The following STAG1 variants were observed in gnomAD, a reference collection of about 807,000 sequenced individuals.
STAG1 encodes STAG1 cohesin complex component, also known as cohesin subunit SA-1.
Under a neutral mutation model 170.9 loss-of-function variants are expected in STAG1, and 26 were observed. The ratio of observed to expected loss-of-function variants is 0.15; its 90% CI spans 0.11 to 0.21. The LOEUF is 0.21. Among genes scored for constraint, STAG1 ranks in the 10% least tolerant of loss-of-function variants. STAG1 has a pLI of 1.00. For synonymous variants in STAG1, 514 were observed against 497.7 expected (o/e 1.03, Z -0.44); for missense variants, 964 against 1,509.5 (o/e 0.64, Z 5.99).
chr3:136,352,939 G>A (rs944518546), intron 28 of STAG1, among the ~76,000 whole-genome samples: 2 of 152,182 alleles, frequency 1.3e-5, no homozygotes, highest in South Asian at 4.1e-4. Flanking sequence ...AGGAGCACCT[G>A]TATGTTCAAA....
intron 1 of STAG1, among the ~76,000 whole-genome samples, chr3:136,667,899 T>C (rs1401349166): frequency 6.6e-6 from 1 of 152,112 alleles, no homozygotes; most frequent in African/African-American, 2.4e-5. Context: ...CTCTAGAAAG[T>C]AGACCTGGCC....
intron 6 of STAG1, among the ~76,000 whole-genome samples, chr3:136,537,499 T>A (rs1935691542): frequency 7.0e-6 from 1 of 142,916 alleles, no homozygotes; most frequent in African/African-American, 2.5e-5. Flanking sequence ...TGTTTATTTT[T>A]TTTTTGTTTT....
chr3:136,405,602 T>C (rs773686282), intron 21 of STAG1, among the ~76,000 whole-genome samples: 1 of 151,478 alleles, frequency 6.6e-6, no homozygotes, highest in African/African-American at 2.4e-5. Flanking sequence ...ATGCCTGTAC[T>C]CCCAGCACTT....
rs555702037 is a variant in STAG1 at position 136,698,306 on chromosome 3, A to C, written c.-84+53889T>G. 7.2e-5 allele frequency among the ~76,000 whole-genome samples: 11 copies of C among 152,336 alleles called. No homozygotes were observed. In the South Asian group the frequency reaches 2.3e-3, roughly 32 times the overall value. Reference sequence around the variant, plus strand: ...CTACAAGGAACTCAAATCAGCAAGAAAAAAACAATCCCATCAAAAAGTGGG... The same window carrying C: ...CTACAAGGAACTCAAATCAGCAAGACAAAAACAATCCCATCAAAAAGTGGG... On this transcript the variant is annotated intron_variant, in intron 1 of 33. Transcript: ENST00000383202.
At chr3:136,523,018 G>A (rs111836328) in intron 6 of STAG1, among the ~76,000 whole-genome samples, 129 of 152,138 alleles carry the variant, frequency 8.5e-4, no homozygotes, top group African/African-American at 2.4e-3. Context: ...GAATAGTGCC[G>A]CAATAAACAT....
At chr3:136,737,204 TC>T (rs1382595236) in intron 1 of STAG1, 8 of 685,362 alleles carry the variant, frequency 1.2e-5, no homozygotes, top group Non-Finnish European at 1.9e-5. Context: ...CCACACGAAG[TC>T]CCGCTCTCTC....
chr3:136,379,273 C>T (rs902278648), intron 22 of STAG1, among the ~76,000 whole-genome samples: 4 of 152,088 alleles, frequency 2.6e-5, no homozygotes, highest in African/African-American at 9.7e-5. Context: ...AAAACATGGG[C>T]CCCATGTTGG....
At chr3:136,550,068 T>C (rs1410422714) in intron 5 of STAG1, among the ~76,000 whole-genome samples, 1 of 152,184 alleles carries the variant, frequency 6.6e-6, no homozygotes, top group Non-Finnish European at 1.5e-5. Context: ...CAGGGATCTA[T>C]ACTGGCCTTT....
chr3:136,407,067 C>T (rs1438428768), intron 21 of STAG1, among the ~76,000 whole-genome samples: 1 of 152,072 alleles, frequency 6.6e-6, no homozygotes, highest in Admixed American at 6.5e-5. Context: ...GCTCTTGTTG[C>T]CCAGGCTGGA....
chr3:136,555,997 C>G lies in STAG1; in HGVS notation c.394+12768G>C, dbSNP rs530024600. Among the ~76,000 whole-genome samples, 4 of 152,200 alleles carry G rather than the reference C, an allele frequency of 2.6e-5. No individual in the cohort carries two copies. In the South Asian group the frequency reaches 6.2e-4, roughly 24 times the overall value. Reference sequence around the variant, plus strand: ...TAAGCAAGATACTAGCAAACCAAACCTAGCAATAATTTAAAAATATATCAT... The same window carrying G: ...TAAGCAAGATACTAGCAAACCAAACGTAGCAATAATTTAAAAATATATCAT... On this transcript the variant is annotated intron_variant, in intron 5 of 33. Coordinates refer to ENST00000383202, the MANE Select transcript of STAG1 (RefSeq NM_005862.3).
intron 9 of STAG1, among the ~76,000 whole-genome samples, chr3:136,486,568 GTAAAAGTCAATTC>G (rs2090017449): frequency 1.3e-5 from 2 of 152,128 alleles, no homozygotes; most frequent in Non-Finnish European, 2.9e-5. Context: ...TACTACCCTT[GTAAAAGTCAATTC>G]TATAAAAACC....
At chr3:136,620,313 C>T (rs908383747) in intron 3 of STAG1, among the ~76,000 whole-genome samples, 5 of 152,124 alleles carry the variant, frequency 3.3e-5, no homozygotes, top group African/African-American at 1.2e-4. Flanking sequence ...GTTCAAAATG[C>T]AGCTAGTTGA....
At chr3:136,593,029 T>C (rs756894982) in intron 4 of STAG1, among the ~76,000 whole-genome samples, 8 of 152,168 alleles carry the variant, frequency 5.3e-5, no homozygotes, top group Non-Finnish European at 7.3e-5. Context: ...TTGTGGGTGC[T>C]CACTAGGTTC....
At chr3:136,686,938 T>C (rs534857535) in intron 1 of STAG1, among the ~76,000 whole-genome samples, 1 of 152,278 alleles carries the variant, frequency 6.6e-6, no homozygotes, top group African/African-American at 2.4e-5. Flanking sequence ...ACAGACCCAA[T>C]TAGTCACAAA....
chr3:136,599,391 C>T (rs1378182755), intron 4 of STAG1, among the ~76,000 whole-genome samples: 3 of 151,996 alleles, frequency 2.0e-5, no homozygotes, highest in African/African-American at 7.2e-5. Context: ...ATTAGCCGAG[C>T]ATGGTGACAT....
chr3:136,696,073 G>A (rs555237853), intron 1 of STAG1, among the ~76,000 whole-genome samples: 6 of 152,284 alleles, frequency 3.9e-5, no homozygotes, highest in Admixed American at 6.5e-5. Flanking sequence ...ACAAACAAAA[G>A]ATTGGGGTTT....
intron 4 of STAG1, among the ~76,000 whole-genome samples, chr3:136,595,679 T>TC (rs1477621378): frequency 0.099 from 208 of 2,092 alleles, 3 homozygotes; most frequent in East Asian, 0.51. Context: ...TCCATCTCAA[T>TC]AAATAAATAA....
At chr3:136,340,249 A>G (rs1935913493) in intron 32 of STAG1, among the ~76,000 whole-genome samples, 1 of 152,058 alleles carries the variant, frequency 6.6e-6, no homozygotes, top group Non-Finnish European at 1.5e-5. Context: ...CAGCCTCCCA[A>G]GTAGCTGGGA....
intron 1 of STAG1, among the ~76,000 whole-genome samples, chr3:136,691,571 G>A (rs1942724520): frequency 6.6e-6 from 1 of 152,214 alleles, no homozygotes; most frequent in Non-Finnish European, 1.5e-5. Flanking sequence ...GTGTCCAGTA[G>A]TAGCTGGTGT....
Sources: gnomAD v4.1 joint callset for allele counts (sites outside exome capture counted in the v4.1 genomes callset) on GRCh38, gnomAD v4.1.1 for gene constraint, MANE v1.5 for transcripts, NCBI Gene and HGNC (gene_info 2026-07-23, HGNC 2026-07-21) for gene names.